EXOSC5: variants seen among roughly 807,000 people sequenced by gnomAD.
EXOSC5 encodes exosome component 5.
A neutral mutation model predicts 23.7 loss-of-function variants in EXOSC5; 15 were observed. The observed-to-expected ratio is 0.63, with a 90% confidence interval of 0.42 to 0.97. The LOEUF is 0.97. Among genes scored for constraint, EXOSC5 ranks in the 50% least tolerant of loss-of-function variants. EXOSC5 has a pLI of 0.00. For missense variants in EXOSC5, 305 were observed against 316.3 expected, an observed-to-expected ratio of 0.96 and a Z score of 0.27; for synonymous variants, 143 against 140.9, an observed-to-expected ratio of 1.02 and a Z score of -0.11.
At chr19:41,394,057 A>G (rs909368479) in intron 1 of EXOSC5, among the ~76,000 whole-genome samples, 4 of 152,210 alleles carry the variant, frequency 2.6e-5, no homozygotes, top group East Asian at 1.9e-4. Flanking sequence ...CCCAGAAGCT[A>G]TGAACGGGGT....
At chr19:41,387,028 G>A (rs1245909033) in intron 5 of EXOSC5, among the ~76,000 whole-genome samples, 1 of 152,202 alleles carries the variant, frequency 6.6e-6, no homozygotes, top group Non-Finnish European at 1.5e-5. Flanking sequence ...TGGAACTGGA[G>A]AGTGCACAGA....
chr19:41,389,639 G>T, intron 4 of EXOSC5, 126 bp downstream of exon 4: 1 of 1,347,914 alleles, frequency 7.4e-7, no homozygotes. Context: ...ATGATGATTA[G>T]AGCAGCCCTT....
At chr19:41,388,230 G>A (rs1424659370) in intron 4 of EXOSC5, among the ~76,000 whole-genome samples, 1 of 152,230 alleles carries the variant, frequency 6.6e-6, no homozygotes, top group Non-Finnish European at 1.5e-5. Flanking sequence ...TAGCCATAGT[G>A]CCACTCACTT....
chr19:41,386,523 G>C lies in EXOSC5; in HGVS notation c.*110C>G. The C allele has an allele frequency of 9.2e-7, 1 of 1,085,092 alleles. No individual in the cohort carries two copies. The highest frequency in any genetic ancestry group is 1.3e-6 in the Non-Finnish European group (1 of 756,702). The allele number at this position is 1,085,092 out of a possible 1,614,324, so 67.2% of individuals were successfully genotyped here. On this transcript the variant is annotated 3_prime_UTR_variant, in exon 6 of 6. Transcript: ENST00000221233. ...GAGCCCTGTGGTTACAGAGCTGCAGGCTCAAGGAGCCCATGGGTCAGAGAG... is the reference window on the plus strand; with the variant it reads ...GAGCCCTGTGGTTACAGAGCTGCAGCCTCAAGGAGCCCATGGGTCAGAGAG...
chr19:41,388,406 G>T (rs763685135), intron 4 of EXOSC5, among the ~76,000 whole-genome samples: 1 of 152,234 alleles, frequency 6.6e-6, no homozygotes, highest in Non-Finnish European at 1.5e-5. Flanking sequence ...ACAATGGCAG[G>T]TGCTGATGGC....
rs1182685940 is a variant in EXOSC5, at chr19:41,389,705, A to G, written c.525+60T>C. The G allele has an allele frequency of 1.9e-6, 3 of 1,573,890 alleles. No individual in the cohort carries two copies. In the Admixed American group the frequency reaches 5.7e-5, roughly 30 times the overall value. On this transcript the variant is annotated intron_variant, in intron 4 of 5. Transcript: ENST00000221233. ...CTGTCTGTAGAGAAGCGAGGCCTGG[A>G]GGAAGGGACGGGCAGCTGTCTGGCC...
At chr19:41,387,754 C>T in intron 4 of EXOSC5, 151 bp from the exon 5 acceptor site, 1 of 322,890 alleles carries the variant, frequency 3.1e-6, no homozygotes, top group Non-Finnish European at 5.5e-6. Context: ...GCCAGAAACT[C>T]AAGACCAATC....
intron 1 of EXOSC5, among the ~76,000 whole-genome samples, chr19:41,396,732 C>G (rs1197284331): frequency 6.8e-6 from 1 of 146,562 alleles, no homozygotes; most frequent in African/African-American, 2.5e-5. Context: ...ATGACATTAT[C>G]TTCAATTTGA....
Position 41,394,958 on chromosome 19 carries a change from C to T in EXOSC5, c.149-1978G>A, listed in dbSNP as rs183622978. 1.1e-3 allele frequency among the ~76,000 whole-genome samples: 158 copies of T among 150,294 alleles called. 1 individual carries two copies. The highest frequency in any genetic ancestry group is 1.5e-3 in the South Asian group (7 of 4,682). On this transcript the variant is annotated intron_variant, in intron 1 of 5. Transcript: ENST00000221233. ...CTGAGGCAGAAGAATTGCTTGAACC[C>T]GGGAGGTGGAGGGTGCAGTGAGCCA... is the stretch of plus-strand genomic sequence containing the variant.
At chr19:41,391,376 C>CA (rs962753866) in intron 3 of EXOSC5, among the ~76,000 whole-genome samples, 4 of 152,010 alleles carry the variant, frequency 2.6e-5, no homozygotes, top group South Asian at 2.1e-4. Context: ...CAAAAACAAA[C>CA]AAAAAAACCC....
chr19:41,391,146 C>T (rs1277374584), intron 3 of EXOSC5, among the ~76,000 whole-genome samples: 1 of 152,168 alleles, frequency 6.6e-6, no homozygotes, highest in Non-Finnish European at 1.5e-5. Context: ...GGACTGATCA[C>T]TCGAGGTCAG....
intron 3 of EXOSC5, among the ~76,000 whole-genome samples, chr19:41,390,612 C>A (rs1185326010): frequency 1.3e-5 from 2 of 152,214 alleles, no homozygotes; most frequent in Admixed American, 1.3e-4. Flanking sequence ...AGCAGCCACT[C>A]CCCGGTGACA....
Position 41,386,621 on chromosome 19 carries a change from C to T in EXOSC5, c.*12G>A, listed in dbSNP as rs1290065764. ...TGGAGGCAATGGGAGCGGCCCCTTG[C>T]CCCAGCTTGCCTCAGCTCTTGGAGT... On this transcript the variant is annotated 3_prime_UTR_variant, in exon 6 of 6. Transcript: ENST00000221233. 3.8e-6 allele frequency: 6 copies of T among 1,572,082 alleles called. No homozygotes were observed. The highest frequency in any genetic ancestry group is 2.3e-5 in the South Asian group (2 of 85,730).
intron 1 of EXOSC5, among the ~76,000 whole-genome samples, chr19:41,393,599 G>A (rs543935362): frequency 1.1e-4 from 16 of 148,912 alleles, no homozygotes; most frequent in Admixed American, 1.3e-4. Flanking sequence ...TTGCTCTGTC[G>A]CCCAGGCTGG....
intron 2 of EXOSC5, 50 bp downstream of exon 2, chr19:41,392,817 T>A (rs756903425): frequency 1.3e-6 from 2 of 1,554,676 alleles, no homozygotes; most frequent in East Asian, 4.5e-5. Context: ...GCTGGGGGGG[T>A]GATTTTGACA....
chr19:41,394,132 CTT>C (rs1226898438), intron 1 of EXOSC5, among the ~76,000 whole-genome samples: 3 of 152,158 alleles, frequency 2.0e-5, no homozygotes, highest in African/African-American at 7.2e-5. Context: ...AATCCCAGCA[CTT>C]TGGGAGGCTG....
Position 41,386,717 on chromosome 19 carries a change from C to T in EXOSC5, c.624G>A (p.Gln208=). Residue 208 remains glutamine (Q), a synonymous_variant, in exon 6 of 6, where the codon CAG becomes CAA. Transcript: ENST00000221233. ...KGLYSDTELQ[Q]CLAAAQAASQ... ...AAGCGGCCTGGGCCGCAGCCAGGCA[C>T]TGCTGGAGCTGCGGGGGAGAGACTG... The T allele has an allele frequency of 6.3e-7, 1 of 1,590,886 alleles. No individual in the cohort carries two copies. Among genetic ancestry groups the T allele is most frequent in the Non-Finnish European group, 8.5e-7 (1 of 1,170,754 alleles).
chr19:41,397,078 G>A (rs2039074340), intron 1 of EXOSC5, 103 bp downstream of exon 1: 3 of 1,345,950 alleles, frequency 2.2e-6, no homozygotes, highest in Non-Finnish European at 3.1e-6. Context: ...ATGCATCAAC[G>A]CAGGAGTGAC....
Position 41,386,375 on chromosome 19 carries a change from T to TAA in EXOSC5, c.*256_*257dup. Reference sequence around the variant, plus strand: ...CGATGGGTGCTCAACAGACATTTGTTAAAGTGAATTAATTTATTGATTCAT... The same window carrying TAA: ...CGATGGGTGCTCAACAGACATTTGTTAAAAAGTGAATTAATTTATTGATTCAT... On this transcript the variant is annotated 3_prime_UTR_variant, in exon 6 of 6. Transcript: ENST00000221233. 1 of 456,768 alleles carries TAA rather than the reference T, an allele frequency of 2.2e-6. No individual in the cohort carries two copies. Among genetic ancestry groups the TAA allele is most frequent in the South Asian group, 3.4e-5 (1 of 29,052 alleles). 28.3% of individuals were successfully genotyped at this position (456,768 alleles called of 1,614,324 possible).
Sources: allele counts gnomAD v4.1 joint callset (sites outside exome capture counted in the v4.1 genomes callset), GRCh38; gene constraint gnomAD v4.1.1; transcripts MANE v1.5; gene names NCBI Gene and HGNC (gene_info 2026-07-23, HGNC 2026-07-21).